FSTL4: variants seen among roughly 807,000 people sequenced by gnomAD.
FSTL4 encodes the protein follistatin like 4.
In FSTL4, 28 loss-of-function variants were observed where a neutral mutation model predicts 78.2. That is an observed-to-expected ratio of 0.36 (90% CI 0.27 to 0.49). The LOEUF is 0.49. Among genes scored for constraint, FSTL4 ranks in the 20% least tolerant of loss-of-function variants. The pLI is 0.98. For missense variants in FSTL4, 922 were observed against 1,084.9 expected (o/e 0.85, Z 2.11); for synonymous variants, 422 against 440.5 (o/e 0.96, Z 0.53).
chr5:133,644,295 TAA>T, the FSTL4 span, among the ~76,000 whole-genome samples: 72 of 152,216 alleles, frequency 4.7e-4, no homozygotes, highest in African/African-American at 1.7e-3. Flanking sequence ...AGTAAAAAAC[TAA>T]AGTCTTTTTT....
intron 2 of FSTL4, among the ~76,000 whole-genome samples, chr5:133,590,517 A>G (rs1465289761): frequency 1.3e-5 from 2 of 152,036 alleles, no homozygotes; most frequent in African/African-American, 4.8e-5. Context: ...TGGACCTTCT[A>G]AGAAGAGGCA....
At chr5:133,356,172 C>T (rs141801911) in intron 4 of FSTL4, among the ~76,000 whole-genome samples, 20 of 152,338 alleles carry the variant, frequency 1.3e-4, no homozygotes, top group East Asian at 5.8e-4. Flanking sequence ...ATGTACACTA[C>T]GAAATAATTC....
At chr5:133,548,678 T>G (rs1383256387) in intron 3 of FSTL4, among the ~76,000 whole-genome samples, 1 of 152,086 alleles carries the variant, frequency 6.6e-6, no homozygotes, top group Non-Finnish European at 1.5e-5. Context: ...AAAGAGTAGC[T>G]CAACGGAGAA....
At chr5:133,340,479 A>T (rs1754556010) in intron 4 of FSTL4, among the ~76,000 whole-genome samples, 1 of 152,110 alleles carries the variant, frequency 6.6e-6, no homozygotes, top group Admixed American at 6.5e-5. Flanking sequence ...TGTAATGGAA[A>T]CATAAATTGT....
At chr5:133,215,511 C>A (rs547118652) in intron 13 of FSTL4, among the ~76,000 whole-genome samples, 20 of 149,694 alleles carry the variant, frequency 1.3e-4, no homozygotes, top group Admixed American at 7.3e-4. Flanking sequence ...CTGCCTTGCC[C>A]GAAGTCTCTT....
intron 6 of FSTL4, among the ~76,000 whole-genome samples, chr5:133,300,176 G>T (rs2126876926): frequency 6.6e-6 from 1 of 152,288 alleles, no homozygotes; most frequent in East Asian, 1.9e-4. Context: ...GCCGGATCCA[G>T]CTGTACCTTG....
At chr5:133,255,412 C>G (rs1387566800) in intron 6 of FSTL4, among the ~76,000 whole-genome samples, 1 of 152,228 alleles carries the variant, frequency 6.6e-6, no homozygotes, top group Non-Finnish European at 1.5e-5. Context: ...GTTCTCAAAG[C>G]TCAGGGCTTC....
intron 7 of FSTL4, among the ~76,000 whole-genome samples, chr5:133,238,916 C>T (rs994458413): frequency 1.2e-4 from 19 of 152,228 alleles, no homozygotes; most frequent in Admixed American, 5.9e-4. Context: ...TTCAGCCTGC[C>T]GCTGCACTGT....
At chr5:133,567,801 A>G (rs748291228) in intron 2 of FSTL4, among the ~76,000 whole-genome samples, 1 of 152,236 alleles carries the variant, frequency 6.6e-6, no homozygotes, top group Non-Finnish European at 1.5e-5. Flanking sequence ...TCTTAATTCA[A>G]TCCTATCTTT....
chr5:133,463,789 G>A (rs905859868), intron 3 of FSTL4, among the ~76,000 whole-genome samples: 2 of 152,180 alleles, frequency 1.3e-5, no homozygotes, highest in Admixed American at 6.5e-5. Flanking sequence ...GAGAGAGAAC[G>A]AATACAAGTG....
chr5:133,298,060 G>A lies in FSTL4; in HGVS notation c.727+14594C>T, dbSNP rs117023680. 4.6e-5 allele frequency among the ~76,000 whole-genome samples: 7 copies of A among 152,332 alleles called. No individual in the cohort carries two copies. The East Asian group carries it at 1.4e-3, about 29-fold the overall frequency. On this transcript the variant is annotated intron_variant, in intron 6 of 15. Coordinates refer to ENST00000265342, the MANE Select transcript of FSTL4 (RefSeq NM_015082.2). Reference sequence around the variant, plus strand: ...AGTAGGTAAGAACACAGGCTTGGAAGCTGAACTCCTGGGTTCAAACCCTGC... The same window carrying A: ...AGTAGGTAAGAACACAGGCTTGGAAACTGAACTCCTGGGTTCAAACCCTGC...
At position 133,249,606 on chromosome 5, in the gene FSTL4, G is replaced by T. The variant is rs771519072; in HGVS notation, c.728-30C>A. ...AGAGGGAAAGGAGGAGGCACGGTCAGGTGCAGGCCCAGGGATTGGAGTCTC... is the reference window on the plus strand; with the variant it reads ...AGAGGGAAAGGAGGAGGCACGGTCATGTGCAGGCCCAGGGATTGGAGTCTC... On this transcript the variant is annotated intron_variant, in intron 6 of 15. Transcript: ENST00000265342. 18 of 1,587,806 alleles carry T rather than the reference G, an allele frequency of 1.1e-5. No homozygotes were observed. The Admixed American group carries it at 3.0e-4, about 27-fold the overall frequency.
At chr5:133,495,625 C>G (rs1011225526) in intron 3 of FSTL4, among the ~76,000 whole-genome samples, 1 of 152,220 alleles carries the variant, frequency 6.6e-6, no homozygotes, top group Non-Finnish European at 1.5e-5. Flanking sequence ...AGGATCATCA[C>G]AGTGAACAGC....
intron 4 of FSTL4, among the ~76,000 whole-genome samples, chr5:133,359,369 G>A (rs916271064): frequency 6.6e-6 from 1 of 152,222 alleles, no homozygotes; most frequent in Non-Finnish European, 1.5e-5. Flanking sequence ...TGTGAAGACT[G>A]ACTGACTATG....
At chr5:133,811,954 C>G in the FSTL4 span, among the ~76,000 whole-genome samples, 3 of 152,338 alleles carry the variant, frequency 2.0e-5, no homozygotes, top group East Asian at 5.8e-4. Context: ...AAACTGCACT[C>G]TTAATAACCC....
intron 2 of FSTL4, among the ~76,000 whole-genome samples, chr5:133,599,073 G>C (rs1760800581): frequency 1.3e-5 from 2 of 152,304 alleles, no homozygotes; most frequent in South Asian, 2.1e-4. Context: ...TCAGGGTTAT[G>C]GGTGGTGGGG....
the FSTL4 span, among the ~76,000 whole-genome samples, chr5:133,824,245 T>G: frequency 7.9e-5 from 12 of 152,204 alleles, no homozygotes; most frequent in East Asian, 2.3e-3. Flanking sequence ...AAATAGTGGG[T>G]TGCCACCTAT....
the FSTL4 span, among the ~76,000 whole-genome samples, chr5:133,686,819 C>T: frequency 2.0e-5 from 3 of 152,160 alleles, no homozygotes; most frequent in African/African-American, 7.2e-5. Context: ...TGTAGGCAAC[C>T]CAGGCTGCCA....
intron 6 of FSTL4, among the ~76,000 whole-genome samples, chr5:133,279,710 C>T (rs1752969071): frequency 6.6e-6 from 1 of 152,186 alleles, no homozygotes; most frequent in Non-Finnish European, 1.5e-5. Flanking sequence ...GGGCATCCTC[C>T]TTGGGGCCTA....
Sources: gnomAD v4.1 joint callset for allele counts (sites outside exome capture counted in the v4.1 genomes callset) on GRCh38, gnomAD v4.1.1 for gene constraint, MANE v1.5 for transcripts, NCBI Gene and HGNC (gene_info 2026-07-23, HGNC 2026-07-21) for gene names.